KCNIP1: variants seen among roughly 807,000 people sequenced by gnomAD.
KCNIP1 encodes the protein A-type potassium channel modulatory protein KCNIP1.
KCNIP1 carries 18 observed loss-of-function variants against 33.0 expected under a neutral mutation model. The observed-to-expected ratio is 0.55, with a 90% CI of 0.38 to 0.81. The LOEUF (loss-of-function observed/expected upper bound fraction) is 0.81. Ranked by LOEUF, KCNIP1 falls within the 30% of genes least tolerant of loss-of-function variation. KCNIP1 has a pLI of 0.00. For synonymous variants in KCNIP1, 93 were observed against 98.3 expected (o/e 0.95, Z 0.32); for missense variants, 238 against 271.6 (o/e 0.88, Z 0.87).
chr5:170,651,233 G>T (rs978031174), intron 1 of KCNIP1, among the ~76,000 whole-genome samples: 34 of 152,276 alleles, frequency 2.2e-4, no homozygotes, highest in African/African-American at 7.2e-4. Flanking sequence ...AGAGGCAGTG[G>T]GTACCCCTCA....
chr5:170,721,666 C>T, intron 3 of KCNIP1, 167 bp from the exon 4 acceptor site: 1 of 1,466,850 alleles, frequency 6.8e-7, no homozygotes, highest in South Asian at 1.2e-5. Context: ...TAACTTCACA[C>T]CCAAACCCAA....
At chr5:170,563,254 C>A (rs1467496496) in intron 1 of KCNIP1, among the ~76,000 whole-genome samples, 1 of 152,226 alleles carries the variant, frequency 6.6e-6, no homozygotes, top group Non-Finnish European at 1.5e-5. Context: ...CCCAGCCCTG[C>A]AGGCCCAGTG....
At chr5:170,457,288 T>G (rs1352417959) in intron 1 of KCNIP1, among the ~76,000 whole-genome samples, 2 of 152,138 alleles carry the variant, frequency 1.3e-5, no homozygotes, top group South Asian at 2.1e-4. Flanking sequence ...AACTGAGAGC[T>G]GAAGACAGGG....
At chr5:170,729,080 A>G (rs746410002) in intron 5 of KCNIP1, among the ~76,000 whole-genome samples, 1 of 152,060 alleles carries the variant, frequency 6.6e-6, no homozygotes, top group Non-Finnish European at 1.5e-5. Context: ...TATTTTGGCA[A>G]TAAGTAAGTA....
At chr5:170,483,017 G>A (rs1370056733) in intron 1 of KCNIP1, 1 of 447,310 alleles carries the variant, frequency 2.2e-6, no homozygotes, top group South Asian at 1.6e-5. Context: ...TAAAGTATGA[G>A]GTGGAAGAAA....
At chr5:170,681,402 A>C (rs1762342570) in intron 1 of KCNIP1, 7 of 344,400 alleles carry the variant, frequency 2.0e-5, no homozygotes, top group Admixed American at 4.8e-5. Context: ...TGCGGGAGCC[A>C]GGAAGTTAGG....
In KCNIP1 at chr5:170,683,936, T is replaced by TC. The variant is rs1554111333; in HGVS notation, c.62-34822_62-34821insC. 5.5e-5 allele frequency among the ~76,000 whole-genome samples: 6 copies of TC among 108,604 alleles called. No homozygotes were observed. The Admixed American group carries it at 5.9e-4, about 11-fold the overall frequency. 71.2% of individuals were successfully genotyped at this position (108,604 alleles called of 152,430 possible). A position where few individuals can be genotyped will look rare whatever the true frequency, so the allele number is the denominator to read the frequency against. On this transcript the variant is annotated intron_variant, in intron 1 of 7. Coordinates refer to ENST00000328939, the MANE Select transcript of KCNIP1 (RefSeq NM_014592.4). ...TGTGTGTGTGTGTGTGTGTGTGTGT[T>TC]AGTAGAGACAGGGTTTCACCATGTT...
chr5:170,479,389 A>AT lies in KCNIP1; in HGVS notation c.88+125432dup, dbSNP rs549518141. Among the ~76,000 whole-genome samples the AT allele has an allele frequency of 1.3e-3, 192 of 152,114 alleles. 1 individual carries two copies. The highest frequency in any genetic ancestry group is 4.4e-3 in the African/African-American group (183 of 41,512). ...TTACCAAACATGACTACTAATTTCT[A>AT]TTTTTTTCCAAGACTATTAGATGTA... On this transcript the variant is annotated intron_variant, in intron 1 of 7. Coordinates refer to the KCNIP1 transcript ENST00000377360.
At chr5:170,435,020 C>T (rs563471755) in intron 1 of KCNIP1, among the ~76,000 whole-genome samples, 3 of 152,322 alleles carry the variant, frequency 2.0e-5, no homozygotes, top group South Asian at 2.1e-4. Context: ...TGCCAGCCCA[C>T]GGCCTTGGAC....
chr5:170,732,269 A>G (rs1764232977), intron 5 of KCNIP1, among the ~76,000 whole-genome samples: 1 of 152,308 alleles, frequency 6.6e-6, no homozygotes, highest in South Asian at 2.1e-4. Flanking sequence ...GGAAACTCTC[A>G]GGACCGAGTC....
chr5:170,683,890 GTGTA>G (rs1208456219), intron 1 of KCNIP1, among the ~76,000 whole-genome samples: 2,330 of 23,018 alleles, frequency 0.1, 67 homozygotes, highest in African/African-American at 0.39. Context: ...TGCCCAGCTA[GTGTA>G]TGTGTGTGTG....
chr5:170,596,873 C>T (rs1758457532), intron 1 of KCNIP1, among the ~76,000 whole-genome samples: 1 of 152,218 alleles, frequency 6.6e-6, no homozygotes. Context: ...AGGATCAGAG[C>T]TTCTGGGAAG....
At chr5:170,689,596 C>T (rs60069352) in intron 1 of KCNIP1, among the ~76,000 whole-genome samples, 3,941 of 152,140 alleles carry the variant, frequency 0.026, 177 homozygotes, top group African/African-American at 0.09. Flanking sequence ...AGAAGGCTTC[C>T]AAAGAAGGCA....
At chr5:170,629,249 G>C (rs1759956567) in intron 1 of KCNIP1, among the ~76,000 whole-genome samples, 1 of 152,194 alleles carries the variant, frequency 6.6e-6, no homozygotes, top group Non-Finnish European at 1.5e-5. Context: ...TAGGGCCTGA[G>C]GATTCCGACA....
At chr5:170,367,421 G>GAAAGGAAAGAAA (rs1554086776) in intron 1 of KCNIP1, among the ~76,000 whole-genome samples, 160 of 74,620 alleles carry the variant, frequency 2.1e-3, no homozygotes, top group East Asian at 5.7e-3. Flanking sequence ...AAGAAAGAAA[G>GAAAGGAAAGAAA]GAAAGAAAGA....
chr5:170,417,585 C>A (rs776196546), intron 1 of KCNIP1, among the ~76,000 whole-genome samples: 15 of 152,210 alleles, frequency 9.9e-5, no homozygotes, highest in Non-Finnish European at 1.9e-4. Context: ...AGGCATCTGA[C>A]CCTGCAAAAC....
intron 1 of KCNIP1, among the ~76,000 whole-genome samples, chr5:170,510,151 C>G (rs564202511): frequency 1.3e-5 from 2 of 152,306 alleles, no homozygotes; most frequent in South Asian, 4.1e-4. Flanking sequence ...CTCTGGGAAG[C>G]CTTTCCTGGC....
chr5:170,386,292 T>G (rs314113), intron 1 of KCNIP1, among the ~76,000 whole-genome samples: 17,872 of 151,950 alleles, frequency 0.12, 1,190 homozygotes, highest in East Asian at 0.21. Flanking sequence ...AGACAGCAAT[T>G]AGAGTGATGT....
At chr5:170,643,200 C>T (rs996975168) in intron 1 of KCNIP1, among the ~76,000 whole-genome samples, 2 of 152,224 alleles carry the variant, frequency 1.3e-5, no homozygotes, top group African/African-American at 2.4e-5. Flanking sequence ...TGAGCCAAGG[C>T]GTCCAGGTGG....
Sources: gnomAD v4.1 joint callset for allele counts (sites outside exome capture counted in the v4.1 genomes callset) on GRCh38, gnomAD v4.1.1 for gene constraint, MANE v1.5 for transcripts, NCBI Gene and HGNC (gene_info 2026-07-23, HGNC 2026-07-21) for gene names.